Variants in PTPRM observed in about 807,000 individuals in gnomAD.
PTPRM encodes protein tyrosine phosphatase receptor type M.
Under a neutral mutation model 186.7 loss-of-function variants are expected in PTPRM, and 47 were observed. That is an observed-to-expected ratio of 0.25 (90% confidence interval 0.20 to 0.32). PTPRM has a LOEUF of 0.32. Ranked by LOEUF, PTPRM falls within the 10% of genes least tolerant of loss-of-function variation. The pLI, the probability that PTPRM is intolerant of heterozygous loss-of-function variation, is 1.00. For missense variants in PTPRM, 1,494 were observed against 1,865.0 expected (o/e 0.80, Z 3.66); for synonymous variants, 668 against 674.9 (o/e 0.99, Z 0.16).
At chr18:7,701,197 G>A (rs1486659050) in intron 1 of PTPRM, among the ~76,000 whole-genome samples, 4 of 149,710 alleles carry the variant, frequency 2.7e-5, no homozygotes, top group Non-Finnish European at 4.4e-5. Flanking sequence ...CCAGCTACTC[G>A]GGAGGCTGAG....
At chr18:7,733,462 C>T (rs1391579465) in intron 1 of PTPRM, among the ~76,000 whole-genome samples, 1 of 152,106 alleles carries the variant, frequency 6.6e-6, no homozygotes, top group East Asian at 1.9e-4. Flanking sequence ...ATATGTGCCA[C>T]ATTTTCTTTA....
intron 17 of PTPRM, among the ~76,000 whole-genome samples, chr18:8,250,270 G>A (rs905835848): frequency 7.2e-5 from 11 of 152,000 alleles, no homozygotes; most frequent in Admixed American, 5.9e-4. Context: ...ATGGATGGAT[G>A]GATCGATAGA....
At chr18:8,301,544 C>T (rs2095158151) in intron 20 of PTPRM, among the ~76,000 whole-genome samples, 1 of 152,226 alleles carries the variant, frequency 6.6e-6, no homozygotes, top group Non-Finnish European at 1.5e-5. Context: ...CTCCCTTCCT[C>T]CTCTCTTCTG....
chr18:8,073,165 A>G (rs895058495), intron 8 of PTPRM, among the ~76,000 whole-genome samples: 1 of 152,226 alleles, frequency 6.6e-6, no homozygotes, highest in African/African-American at 2.4e-5. Context: ...CACCTTCTTT[A>G]CATCTGCACA....
At chr18:8,111,844 G>C (rs893517916) in intron 11 of PTPRM, among the ~76,000 whole-genome samples, 2 of 152,182 alleles carry the variant, frequency 1.3e-5, no homozygotes, top group African/African-American at 4.8e-5. Context: ...ATTAGAATTA[G>C]AGCTCAGACC....
At chr18:7,703,229 G>A (rs771259495) in intron 1 of PTPRM, among the ~76,000 whole-genome samples, 5 of 152,046 alleles carry the variant, frequency 3.3e-5, no homozygotes, top group Non-Finnish European at 5.9e-5. Context: ...AGCTTGATGC[G>A]GATAGCATTG....
intron 23 of PTPRM, among the ~76,000 whole-genome samples, chr18:8,345,325 G>A (rs148171859): frequency 4.0e-4 from 61 of 152,128 alleles, no homozygotes; most frequent in African/African-American, 1.4e-3. Context: ...ATAAAAAGCT[G>A]GTTTTGTGAA....
chr18:8,036,530 G>C (rs1372893632), intron 7 of PTPRM, among the ~76,000 whole-genome samples: 1 of 152,192 alleles, frequency 6.6e-6, no homozygotes, highest in African/African-American at 2.4e-5. Flanking sequence ...ATGGTAAATT[G>C]ATAGTACTTT....
At chr18:8,304,580 G>A (rs1203665424) in intron 20 of PTPRM, among the ~76,000 whole-genome samples, 1 of 152,058 alleles carries the variant, frequency 6.6e-6, no homozygotes, top group Non-Finnish European at 1.5e-5. Flanking sequence ...TTTCTTGATG[G>A]GGTAACATTG....
chr18:8,356,606 G>C (rs1367642013), intron 23 of PTPRM, among the ~76,000 whole-genome samples: 1 of 152,222 alleles, frequency 6.6e-6, no homozygotes, highest in African/African-American at 2.4e-5. Flanking sequence ...AAGGGAAGTA[G>C]CTATTTTAGG....
In PTPRM at chr18:8,344,918, G is replaced by A. The variant is rs569212168; in HGVS notation, c.3054+1398G>A. Reference sequence around the variant, plus strand: ...CAAACTGGGGAAGTGGAGGTAGGGAGAGGGAGGAGGGAGAAGGGAGAGGAG... The same window carrying A: ...CAAACTGGGGAAGTGGAGGTAGGGAAAGGGAGGAGGGAGAAGGGAGAGGAG... On this transcript the variant is annotated intron_variant, in intron 23 of 32. Coordinates refer to ENST00000580170, the MANE Select transcript of PTPRM (RefSeq NM_001105244.2). 2.0e-5 allele frequency among the ~76,000 whole-genome samples: 3 copies of A among 152,314 alleles called. No homozygotes were observed. In the East Asian group the frequency reaches 5.8e-4, roughly 29 times the overall value.
chr18:7,973,966 TA>T (rs571394683), intron 7 of PTPRM, among the ~76,000 whole-genome samples: 1,672 of 139,844 alleles, frequency 0.012, 7 homozygotes, highest in South Asian at 0.038. Flanking sequence ...GAGATTCTGG[TA>T]AAAAAAAAAA....
At chr18:8,289,840 A>G (rs773905831) in intron 19 of PTPRM, among the ~76,000 whole-genome samples, 3 of 152,048 alleles carry the variant, frequency 2.0e-5, no homozygotes, top group Non-Finnish European at 2.9e-5. Context: ...TTAAAAGATC[A>G]GTGAATGTTC....
At chr18:7,709,079 C>T (rs1598411538) in intron 1 of PTPRM, among the ~76,000 whole-genome samples, 1 of 152,252 alleles carries the variant, frequency 6.6e-6, no homozygotes, top group East Asian at 1.9e-4. Flanking sequence ...ACACTACTCC[C>T]TAAATCTATT....
intron 2 of PTPRM, among the ~76,000 whole-genome samples, chr18:7,867,403 A>C (rs1393800662): frequency 6.6e-6 from 1 of 152,162 alleles, no homozygotes; most frequent in African/African-American, 2.4e-5. Flanking sequence ...GTGGTAACAA[A>C]ATCTCTCAGC....
intron 14 of PTPRM, chr18:8,154,870 T>A (rs1295416132): frequency 6.6e-6 from 1 of 152,234 alleles, no homozygotes; most frequent in African/African-American, 2.4e-5. Flanking sequence ...TGGACTAATA[T>A]CATCTGAAAC....
chr18:7,890,068 A>G (rs955728368), intron 3 of PTPRM, among the ~76,000 whole-genome samples: 2 of 152,244 alleles, frequency 1.3e-5, no homozygotes, highest in South Asian at 2.1e-4. Flanking sequence ...ATTAGTGACA[A>G]TGGGCATTTG....
At chr18:8,091,365 T>C (rs939280597) in intron 11 of PTPRM, among the ~76,000 whole-genome samples, 1 of 152,132 alleles carries the variant, frequency 6.6e-6, no homozygotes, top group Non-Finnish European at 1.5e-5. Flanking sequence ...AATACCTTCT[T>C]CCCCTGTTAG....
chr18:7,989,350 A>C (rs149443913), intron 7 of PTPRM, among the ~76,000 whole-genome samples: 4 of 152,172 alleles, frequency 2.6e-5, no homozygotes, highest in African/African-American at 7.2e-5. Flanking sequence ...TATTGCTATT[A>C]TTAGCCCCAA....
Sources: gnomAD v4.1 joint callset for allele counts (sites outside exome capture counted in the v4.1 genomes callset) on GRCh38, gnomAD v4.1.1 for gene constraint, MANE v1.5 for transcripts, NCBI Gene and HGNC (gene_info 2026-07-23, HGNC 2026-07-21) for gene names.